The following MAPK4 variants were observed in gnomAD, a reference collection of about 807,000 sequenced individuals.
The protein encoded by MAPK4 is mitogen-activated protein kinase 4.
In MAPK4, 22 loss-of-function variants were observed where a neutral mutation model predicts 47.7. The ratio of observed to expected loss-of-function variants is 0.46; its 90% CI spans 0.33 to 0.66. The LOEUF is 0.66. Ranked by LOEUF, MAPK4 falls within the 30% of genes least tolerant of loss-of-function variation. MAPK4 has a pLI of 0.02. For missense variants in MAPK4, 736 were observed against 831.7 expected (o/e 0.88, Z 1.42); for synonymous variants, 390 against 365.7 (o/e 1.07, Z -0.76).
chr18:50,660,057 C>T lies in MAPK4; in HGVS notation c.-870-3032C>T, dbSNP rs182296198. On this transcript the variant is annotated intron_variant, in intron 1 of 5. Transcript: ENST00000400384. Reference sequence around the variant, plus strand: ...ATCATGCAAGAAATGGACCACTAACCTTAGACTTCTTAGGCGGTGGATGCC... The same window carrying T: ...ATCATGCAAGAAATGGACCACTAACTTTAGACTTCTTAGGCGGTGGATGCC... Among the ~76,000 whole-genome samples, 524 of 152,344 alleles carry T rather than the reference C, an allele frequency of 3.4e-3. 14 individuals carry two copies. Among genetic ancestry groups the T allele is most frequent in the Admixed American group, 0.033 (503 of 15,302 alleles).
chr18:50,624,559 G>T (rs557107374), intron 1 of MAPK4, among the ~76,000 whole-genome samples: 6 of 152,132 alleles, frequency 3.9e-5, no homozygotes, highest in Non-Finnish European at 8.8e-5. Context: ...GTTATTATAA[G>T]CAGAAAAGAC....
chr18:50,583,809 G>T (rs2042366900), intron 1 of MAPK4, among the ~76,000 whole-genome samples: 1 of 152,160 alleles, frequency 6.6e-6, no homozygotes, highest in Admixed American at 6.5e-5. Flanking sequence ...TCTTCACACT[G>T]AATCAGAATT....
intron 1 of MAPK4, among the ~76,000 whole-genome samples, chr18:50,617,491 G>T (rs1196096345): frequency 6.6e-6 from 1 of 152,090 alleles, no homozygotes; most frequent in Non-Finnish European, 1.5e-5. Flanking sequence ...TTTGATTTTA[G>T]ACCCCTGTTC....
chr18:50,591,848 C>T (rs1414204538), intron 1 of MAPK4, among the ~76,000 whole-genome samples: 2 of 152,036 alleles, frequency 1.3e-5, no homozygotes, highest in Non-Finnish European at 2.9e-5. Flanking sequence ...TTTCAAGGGG[C>T]TTCTCTACCA....
At chr18:50,715,954 TATC>T (rs375599586) in intron 3 of MAPK4, among the ~76,000 whole-genome samples, 1 of 152,230 alleles carries the variant, frequency 6.6e-6, no homozygotes, top group African/African-American at 2.4e-5. Context: ...TTTCCTAATC[TATC>T]ATCATTTTTT....
chr18:50,594,282 C>T (rs908297145), intron 1 of MAPK4, among the ~76,000 whole-genome samples: 1 of 152,184 alleles, frequency 6.6e-6, no homozygotes, highest in Admixed American at 6.5e-5. Context: ...ATGTCAGTCT[C>T]CTCTGGCAAC....
intron 2 of MAPK4, among the ~76,000 whole-genome samples, chr18:50,686,606 A>C (rs1908893195): frequency 6.6e-6 from 1 of 152,226 alleles, no homozygotes; most frequent in African/African-American, 2.4e-5. Context: ...TCATCTTGCC[A>C]GCTGGCTTCC....
rs572832036 is a variant in MAPK4 at position 50,710,398 on chromosome 18, G to A, written c.547-4681G>A. ...CTTGGGAGGCTGAGGTGGGAGGATCGCTTGAATCCGGGAGGCGGAGGTTGC... is the reference window on the plus strand; with the variant it reads ...CTTGGGAGGCTGAGGTGGGAGGATCACTTGAATCCGGGAGGCGGAGGTTGC... On this transcript the variant is annotated intron_variant, in intron 2 of 5. Transcript: ENST00000400384. Among the ~76,000 whole-genome samples, 17 of 152,214 alleles carry A rather than the reference G, an allele frequency of 1.1e-4. No individual in the cohort carries two copies. In the East Asian group the frequency reaches 1.9e-3, roughly 17 times the overall value.
chr18:50,715,628 G>T (rs1910597264), intron 3 of MAPK4, among the ~76,000 whole-genome samples: 1 of 152,152 alleles, frequency 6.6e-6, no homozygotes, highest in African/African-American at 2.4e-5. Context: ...GAGCTTGTTT[G>T]CCACTTCCAC....
Position 50,678,364 on chromosome 18 carries a change from T to A in MAPK4, c.546+13860T>A, listed in dbSNP as rs12326906. ...TGGCCAAAGCCTGCCTCTAGTACTGTGGTTATACACTACAGGTGATATTCA... is the reference window on the plus strand; with the variant it reads ...TGGCCAAAGCCTGCCTCTAGTACTGAGGTTATACACTACAGGTGATATTCA... On this transcript the variant is annotated intron_variant, in intron 2 of 5. Coordinates refer to ENST00000400384, the MANE Select transcript of MAPK4 (RefSeq NM_002747.4). This position sits in a 1 kb window ranked among gnomAD's most constrained non-coding sequence, Gnocchi z 4.2. 0.061 allele frequency among the ~76,000 whole-genome samples: 9,304 copies of A among 152,270 alleles called. 633 individuals carry two copies. Among genetic ancestry groups the A allele is most frequent in the African/African-American group, 0.17 (7,011 of 41,544 alleles).
intron 2 of MAPK4, among the ~76,000 whole-genome samples, chr18:50,708,556 C>T (rs1910180633): frequency 6.6e-6 from 1 of 152,170 alleles, no homozygotes; most frequent in Non-Finnish European, 1.5e-5. Context: ...AGTCGAGGTC[C>T]TCAAGGGATC....
intron 1 of MAPK4, among the ~76,000 whole-genome samples, chr18:50,576,839 G>A (rs963804358): frequency 6.6e-6 from 1 of 152,164 alleles, no homozygotes; most frequent in Non-Finnish European, 1.5e-5. Flanking sequence ...GGATTCATAG[G>A]GTCCTAGGTG....
chr18:50,692,834 T>G (rs1909300653), intron 2 of MAPK4, among the ~76,000 whole-genome samples: 1 of 152,110 alleles, frequency 6.6e-6, no homozygotes, highest in Admixed American at 6.5e-5. Context: ...AACACCGAGT[T>G]AGGAATGGTG....
chr18:50,614,068 G>A (rs1381616444), intron 1 of MAPK4, among the ~76,000 whole-genome samples: 1 of 152,118 alleles, frequency 6.6e-6, no homozygotes, highest in Non-Finnish European at 1.5e-5. Flanking sequence ...TTGGCAAAAT[G>A]TTAAAGGTAA....
At chr18:50,604,836 G>A (rs1205929964) in intron 1 of MAPK4, among the ~76,000 whole-genome samples, 1 of 152,234 alleles carries the variant, frequency 6.6e-6, no homozygotes, top group African/African-American at 2.4e-5. Context: ...TTGCCCCACT[G>A]GTGACTAGGA....
intron 2 of MAPK4, among the ~76,000 whole-genome samples, chr18:50,700,195 C>T (rs1372901513): frequency 6.6e-6 from 1 of 152,174 alleles, no homozygotes; most frequent in Non-Finnish European, 1.5e-5. Context: ...TGAGTTGCCT[C>T]ATTAGCATTA....
chr18:50,677,507 C>T (rs1445407064), intron 2 of MAPK4, among the ~76,000 whole-genome samples: 1 of 151,990 alleles, frequency 6.6e-6, no homozygotes, highest in Non-Finnish European at 1.5e-5. Context: ...GACAGGGACC[C>T]TCAACTGCCT....
At chr18:50,591,633 G>C (rs2042437487) in intron 1 of MAPK4, among the ~76,000 whole-genome samples, 1 of 151,588 alleles carries the variant, frequency 6.6e-6, no homozygotes, top group Non-Finnish European at 1.5e-5. Flanking sequence ...GTGTCTGTTT[G>C]TGGCATCTGC....
At chr18:50,722,170 G>A in intron 4 of MAPK4, 71 bp downstream of exon 4, 2 of 1,475,770 alleles carry the variant, frequency 1.4e-6, no homozygotes, top group Non-Finnish European at 1.8e-6. Context: ...GGGGTAGGGG[G>A]CAGGCAGGTC....
Sources: gnomAD v4.1 joint callset for allele counts (sites outside exome capture counted in the v4.1 genomes callset) on GRCh38, gnomAD v4.1.1 for gene constraint, Gnocchi (gnomAD v3.1) non-coding constraint, MANE v1.5 for transcripts, NCBI Gene and HGNC (gene_info 2026-07-23, HGNC 2026-07-21) for gene names.